SNX29: variants seen among roughly 807,000 people sequenced by gnomAD.
SNX29 encodes sorting nexin 29, also known as sorting nexin-29.
SNX29 carries 78 observed loss-of-function variants against 102.1 expected under a neutral mutation model. That is an observed-to-expected ratio of 0.76 (90% CI 0.64 to 0.92). The LOEUF is 0.92. SNX29 is among the 40% of genes least tolerant of loss of function. The pLI is 0.00. For missense variants in SNX29, 1,280 were observed against 1,061.7 expected (o/e 1.21, Z -2.86); for synonymous variants, 580 against 414.5 (o/e 1.40, Z -4.85).
At chr16:12,150,155 G>A (rs956396138) in intron 13 of SNX29, among the ~76,000 whole-genome samples, 1 of 152,144 alleles carries the variant, frequency 6.6e-6, no homozygotes, top group Non-Finnish European at 1.5e-5. Context: ...GATCAGATCT[G>A]TTCGAGGGAC....
At chr16:12,469,975 TGCACTCCA>T (rs1281872095) in intron 18 of SNX29, among the ~76,000 whole-genome samples, 2 of 152,134 alleles carry the variant, frequency 1.3e-5, no homozygotes, top group East Asian at 3.9e-4. Flanking sequence ...ATCGCGCCAT[TGCACTCCA>T]GCCTGGGCAA....
chr16:12,226,293 C>G (rs1010172318), intron 14 of SNX29, among the ~76,000 whole-genome samples: 5 of 152,138 alleles, frequency 3.3e-5, no homozygotes, highest in African/African-American at 1.2e-4. Flanking sequence ...TGGCAGAAGG[C>G]ATGAATCACC....
At chr16:11,996,888 C>A (rs1256125571) in intron 1 of SNX29, among the ~76,000 whole-genome samples, 1 of 152,152 alleles carries the variant, frequency 6.6e-6, no homozygotes, top group African/African-American at 2.4e-5. Flanking sequence ...CTAGGCTATT[C>A]TTGATCGAAA....
intron 18 of SNX29, among the ~76,000 whole-genome samples, chr16:12,431,814 C>T (rs1177315030): frequency 6.6e-6 from 1 of 152,222 alleles, no homozygotes; most frequent in African/African-American, 2.4e-5. Flanking sequence ...CACGACATAG[C>T]TTTAGCTCAC....
At chr16:12,005,171 A>C (rs1260288645) in intron 3 of SNX29, among the ~76,000 whole-genome samples, 1 of 152,154 alleles carries the variant, frequency 6.6e-6, no homozygotes, top group Non-Finnish European at 1.5e-5. Flanking sequence ...CGTACATTAG[A>C]TTCTCAGTAT....
intron 14 of SNX29, among the ~76,000 whole-genome samples, chr16:12,269,561 A>T (rs1227210684): frequency 1.3e-5 from 2 of 152,174 alleles, no homozygotes; most frequent in Admixed American, 6.5e-5. Context: ...CCATGTAGAT[A>T]AAAGCTTCTG....
chr16:12,301,468 C>T (rs1046637820), intron 15 of SNX29, among the ~76,000 whole-genome samples: 1 of 152,346 alleles, frequency 6.6e-6, no homozygotes, highest in South Asian at 2.1e-4. Context: ...GCTTCGTGTC[C>T]TCCCAGTCTC....
At chr16:12,515,891 C>A (rs3829531) in intron 19 of SNX29, among the ~76,000 whole-genome samples, 3,244 of 152,150 alleles carry the variant, frequency 0.021, 76 homozygotes, top group African/African-American at 0.05. Context: ...CGATGGTGCA[C>A]CACGAGTTAA....
chr16:12,057,501 A>G lies in SNX29; in HGVS notation c.1125-4027A>G, dbSNP rs928652235. 3.3e-5 allele frequency among the ~76,000 whole-genome samples: 5 copies of G among 152,188 alleles called. No homozygotes were observed. In the East Asian group the frequency reaches 7.7e-4, roughly 23 times the overall value. On this transcript the variant is annotated intron_variant, in intron 8 of 20. Coordinates refer to ENST00000566228, the MANE Select transcript of SNX29 (RefSeq NM_032167.5). ...GGGGAAAGCAGTTTGACAAACTGGCATGAACTTAAGGATGTTTATCCCACT... is the reference window on the plus strand; with the variant it reads ...GGGGAAAGCAGTTTGACAAACTGGCGTGAACTTAAGGATGTTTATCCCACT...
chr16:12,195,456 C>T (rs543741272), intron 13 of SNX29, among the ~76,000 whole-genome samples: 1 of 152,194 alleles, frequency 6.6e-6, no homozygotes, highest in Non-Finnish European at 1.5e-5. Flanking sequence ...TCCTAAAGCT[C>T]ACCTGTCACC....
intron 9 of SNX29, among the ~76,000 whole-genome samples, chr16:12,068,151 A>G (rs1391948281): frequency 6.6e-6 from 1 of 151,988 alleles, no homozygotes; most frequent in African/African-American, 2.4e-5. Context: ...CTGAATATGG[A>G]CTTCATGCAT....
intron 14 of SNX29, among the ~76,000 whole-genome samples, chr16:12,235,561 C>T (rs2077900963): frequency 6.7e-6 from 1 of 150,274 alleles, no homozygotes; most frequent in Admixed American, 6.6e-5. Flanking sequence ...AGTTACTTTC[C>T]TATATTGATA....
chr16:12,462,745 A>G (rs1380224733), intron 18 of SNX29, among the ~76,000 whole-genome samples: 2 of 152,196 alleles, frequency 1.3e-5, no homozygotes, highest in Admixed American at 1.3e-4. Flanking sequence ...GTTTGTATCT[A>G]TGAAGAGAGA....
chr16:12,571,031 C>A lies in SNX29; in HGVS notation c.*2402C>A, dbSNP rs2065147002. On this transcript the variant is annotated 3_prime_UTR_variant, in exon 21 of 21. Transcript: ENST00000566228. Reference sequence around the variant, plus strand: ...GTCGAGTCATCTCGCAGATCCAGACCATCTCCTCTCATTCTCACTCTAAAA... The same window carrying A: ...GTCGAGTCATCTCGCAGATCCAGACAATCTCCTCTCATTCTCACTCTAAAA... 1 of 232,808 alleles carries A rather than the reference C, an allele frequency of 4.3e-6. No individual in the cohort carries two copies. The highest frequency in any genetic ancestry group is 8.5e-6 in the Non-Finnish European group (1 of 117,744). 14.4% of individuals were successfully genotyped at this position (232,808 alleles called of 1,614,324 possible). A position where few individuals can be genotyped will look rare whatever the true frequency, so the allele number is the denominator to read the frequency against.
chr16:12,147,926 G>GCAGA (rs2055134700), intron 13 of SNX29, among the ~76,000 whole-genome samples: 1 of 152,124 alleles, frequency 6.6e-6, no homozygotes, highest in Non-Finnish European at 1.5e-5. Context: ...AGGAAGCTGG[G>GCAGA]CAGAGGGGAG....
chr16:12,084,711 A>T (rs1274527804), intron 11 of SNX29, among the ~76,000 whole-genome samples: 3 of 152,094 alleles, frequency 2.0e-5, no homozygotes, highest in Admixed American at 2.0e-4. Context: ...ATCAACACCC[A>T]AATCATGGGC....
chr16:12,284,043 C>A (rs530925719), intron 15 of SNX29, among the ~76,000 whole-genome samples: 3 of 152,326 alleles, frequency 2.0e-5, no homozygotes, highest in Admixed American at 2.0e-4. Flanking sequence ...TTCTGAGACT[C>A]TTGCTTCTTT....
chr16:12,107,606 G>C (rs749628868), intron 11 of SNX29, among the ~76,000 whole-genome samples: 1 of 151,962 alleles, frequency 6.6e-6, no homozygotes, highest in South Asian at 2.1e-4. Context: ...CCTTCATTCC[G>C]GCCTGGGCAA....
At chr16:12,025,348 C>T (rs1307615010) in intron 3 of SNX29, among the ~76,000 whole-genome samples, 2 of 142,884 alleles carry the variant, frequency 1.4e-5, no homozygotes, top group Admixed American at 7.0e-5. Context: ...CAGAGACTAA[C>T]GTATGCACAT....
Sources: allele counts gnomAD v4.1 joint callset (sites outside exome capture counted in the v4.1 genomes callset), GRCh38; gene constraint gnomAD v4.1.1; transcripts MANE v1.5; gene names NCBI Gene and HGNC (gene_info 2026-07-23, HGNC 2026-07-21).